Variants in SYCP2L observed in about 807,000 individuals in gnomAD.
The protein encoded by SYCP2L is synaptonemal complex protein 2 like.
A neutral mutation model predicts 125.8 loss-of-function variants in SYCP2L; 98 were observed. The observed-to-expected ratio is 0.78, with a 90% confidence interval of 0.66 to 0.92. SYCP2L has a LOEUF of 0.92. SYCP2L is among the 40% of genes least tolerant of loss of function. The pLI, the probability that SYCP2L is intolerant of heterozygous loss-of-function variation, is 0.00. For missense variants in SYCP2L, 842 were observed against 936.4 expected, an observed-to-expected ratio of 0.90 and a Z score of 1.32; for synonymous variants, 317 against 325.4, an observed-to-expected ratio of 0.97 and a Z score of 0.28.
chr6:10,935,840 T>G (rs1192433300), intron 21 of SYCP2L, among the ~76,000 whole-genome samples: 1 of 152,164 alleles, frequency 6.6e-6, no homozygotes, highest in African/African-American at 2.4e-5. Flanking sequence ...CTGCAGTTGT[T>G]GCACAAAATT....
intron 21 of SYCP2L, among the ~76,000 whole-genome samples, chr6:10,937,184 C>G (rs1781113834): frequency 6.6e-6 from 1 of 152,128 alleles, no homozygotes; most frequent in African/African-American, 2.4e-5. Flanking sequence ...CAGAATTGAT[C>G]ATATGTTGGG....
chr6:10,939,252 A>C (rs1035178118), intron 21 of SYCP2L, among the ~76,000 whole-genome samples: 1 of 152,238 alleles, frequency 6.6e-6, no homozygotes, highest in Non-Finnish European at 1.5e-5. Flanking sequence ...AAATGGAAGA[A>C]TATCCTATGT....
chr6:10,902,370 A>G (rs545620092), intron 6 of SYCP2L, among the ~76,000 whole-genome samples: 2 of 152,350 alleles, frequency 1.3e-5, no homozygotes, highest in Admixed American at 6.5e-5. Context: ...CAATATTGCC[A>G]AAGTTGAAAA....
chr6:10,910,327 G>A, intron 11 of SYCP2L, 127 bp downstream of exon 11: 1 of 858,628 alleles, frequency 1.2e-6, no homozygotes. Context: ...AGAGTATACT[G>A]AGTTGTCCAT....
chr6:10,923,380 CTTTT>C (rs1226992236), intron 14 of SYCP2L, among the ~76,000 whole-genome samples: 3 of 92,454 alleles, frequency 3.2e-5, no homozygotes, highest in Non-Finnish European at 5.9e-5. Flanking sequence ...GAAACACACA[CTTTT>C]TTTTTTTTTT....
intron 12 of SYCP2L, among the ~76,000 whole-genome samples, chr6:10,911,338 T>C (rs1780602827): frequency 6.6e-6 from 1 of 151,808 alleles, no homozygotes; most frequent in South Asian, 2.1e-4. Flanking sequence ...CCACCCCCCA[T>C]TTGGTTTCTA....
At chr6:10,929,090 C>T (rs1780946349) in intron 18 of SYCP2L, among the ~76,000 whole-genome samples, 1 of 152,002 alleles carries the variant, frequency 6.6e-6, no homozygotes, top group Non-Finnish European at 1.5e-5. Flanking sequence ...CTGGGATTTG[C>T]CATGTTGGCC....
At chr6:10,962,538 T>C (rs548007243) in intron 28 of SYCP2L, among the ~76,000 whole-genome samples, 1 of 152,312 alleles carries the variant, frequency 6.6e-6, no homozygotes, top group South Asian at 2.1e-4. Flanking sequence ...ATATTTAACA[T>C]TTATTGAGGA....
chr6:10,907,642 T>C lies in SYCP2L; in HGVS notation c.777T>C (p.Ile259=). 1.2e-6 allele frequency: 2 copies of C among 1,613,096 alleles called. No individual in the cohort carries two copies. Among genetic ancestry groups the C allele is most frequent in the Non-Finnish European group, 1.7e-6 (2 of 1,179,766 alleles). Residue 259 remains isoleucine, a synonymous_variant, in exon 10 of 30, where the codon ATT becomes ATC. Transcript: ENST00000283141. ...ATAAATGGTTTGATGATGAAGTCAT[T>C]GCTGAAGCTTTCAAAGAAATTAAGG... The part of the protein sequence containing the change: ...LVHKWFDDEV[I]AEAFKEIKDR...
At position 10,927,286 on chromosome 6, in the gene SYCP2L, A is replaced by G. The variant is rs988282408; in HGVS notation, c.1359A>G (p.Glu453=). ...ACATGGTGGAGTTTATGAGTGCTGAAGATGACCGCTGCCTAATAACTCTCC... is the reference window on the plus strand; with the variant it reads ...ACATGGTGGAGTTTATGAGTGCTGAGGATGACCGCTGCCTAATAACTCTCC... ...STNMVEFMSA[E]DDRCLITLHL... The change falls in exon 17 of 30, where the codon GAA becomes GAG. Residue 453 remains glutamate (E), a synonymous_variant. Transcript: ENST00000283141. 2.5e-6 allele frequency: 4 copies of G among 1,614,060 alleles called. No individual in the cohort carries two copies. In the African/African-American group the frequency reaches 5.3e-5, roughly 22 times the overall value.
chr6:10,918,345 A>T (rs1041622177), intron 14 of SYCP2L, among the ~76,000 whole-genome samples: 12 of 151,900 alleles, frequency 7.9e-5, no homozygotes, highest in South Asian at 2.1e-4. Context: ...GTTTTCCTTG[A>T]TTATTCCCCC....
At chr6:10,891,656 T>TATATGA in intron 2 of SYCP2L, 75 bp downstream of exon 2, 1 of 858,688 alleles carries the variant, frequency 1.2e-6, no homozygotes, top group Non-Finnish European at 1.8e-6. Context: ...TGTGTGTGTG[T>TATATGA]GTGTGTGTAT....
Position 10,907,573 on chromosome 6 carries a change from G to A in SYCP2L, c.708G>A (p.Ala236=), listed in dbSNP as rs763660105. 27 of 1,612,718 alleles carry A rather than the reference G, an allele frequency of 1.7e-5. No individual in the cohort carries two copies. Among genetic ancestry groups the A allele is most frequent in the African/African-American group, 5.3e-5 (4 of 74,846 alleles). Residue 236 remains alanine, a synonymous_variant, in exon 10 of 30, where the codon GCG becomes GCA. Transcript: ENST00000283141. The part of the protein sequence containing the change: ...DYDQQVAISE[A]LCRLTIKKSR... ...ACCAGCAGGTTGCTATTTCTGAAGC[G>A]CTGTGTAGACTGACGATTAAAAAAT...
chr6:10,926,731 T>C (rs939409123), intron 16 of SYCP2L, among the ~76,000 whole-genome samples: 1 of 152,108 alleles, frequency 6.6e-6, no homozygotes, highest in African/African-American at 2.4e-5. Flanking sequence ...GTGTTTCTCT[T>C]TTGAGTTATG....
intron 2 of SYCP2L, among the ~76,000 whole-genome samples, chr6:10,892,537 G>A (rs369900084): frequency 6.6e-6 from 1 of 152,182 alleles, no homozygotes; most frequent in Non-Finnish European, 1.5e-5. Context: ...GGGCTTAAGC[G>A]ATCCTCTTGC....
In SYCP2L at chr6:10,907,892, G is replaced by GTTTTTTTTTTTTTTTT. The variant is rs551103839; in HGVS notation, c.819+211_819+226dup. ...GAGCTAGATATAGGGATACAGATAG[G>GTTTTTTTTTTTTTTTT]TTTTTTTTTTTTTTTTTTGACAGAG... On this transcript the variant is annotated intron_variant, in intron 10 of 29. Coordinates refer to ENST00000283141, the MANE Select transcript of SYCP2L (RefSeq NM_001040274.3). Among the ~76,000 whole-genome samples the GTTTTTTTTTTTTTTTT allele has an allele frequency of 3.5e-3, 326 of 91,906 alleles. 58 individuals are homozygous for GTTTTTTTTTTTTTTTT. Among genetic ancestry groups the GTTTTTTTTTTTTTTTT allele is most frequent in the African/African-American group, 0.012 (288 of 24,126 alleles). 60.3% of individuals were successfully genotyped at this position (91,906 alleles called of 152,430 possible). A position where few individuals can be genotyped will look rare whatever the true frequency, so the allele number is the denominator to read the frequency against.
chr6:10,948,410 A>T (rs1012916876), intron 23 of SYCP2L, among the ~76,000 whole-genome samples: 1 of 152,162 alleles, frequency 6.6e-6, no homozygotes, highest in Middle Eastern at 3.2e-3. Flanking sequence ...ACACAGACCA[A>T]TGCTGCATAG....
intron 2 of SYCP2L, among the ~76,000 whole-genome samples, chr6:10,893,181 A>G (rs1352107453): frequency 1.3e-5 from 2 of 152,032 alleles, no homozygotes; most frequent in Non-Finnish European, 2.9e-5. Flanking sequence ...TATTGTTGGT[A>G]GAGATGGGAT....
At chr6:10,906,939 A>G (rs1472200412) in intron 9 of SYCP2L, among the ~76,000 whole-genome samples, 1 of 152,120 alleles carries the variant, frequency 6.6e-6, no homozygotes, top group East Asian at 1.9e-4. Flanking sequence ...TTTGGTTTGA[A>G]TGAGTATTTT....
Sources: allele counts gnomAD v4.1 joint callset (sites outside exome capture counted in the v4.1 genomes callset), GRCh38; gene constraint gnomAD v4.1.1; transcripts MANE v1.5; gene names NCBI Gene and HGNC (gene_info 2026-07-23, HGNC 2026-07-21).